Variants in TNNI3K observed in about 807,000 individuals in gnomAD.
TNNI3K encodes the protein TNNI3 interacting kinase.
In TNNI3K, 140 loss-of-function variants were observed where a neutral mutation model predicts 114.5. The observed-to-expected ratio is 1.22, with a 90% confidence interval of 1.07 to 1.41. The LOEUF (loss-of-function observed/expected upper bound fraction) is 1.41, where lower values mean the gene tolerates loss of function less well. Ranked by LOEUF, TNNI3K falls within the 40% of genes most tolerant of loss-of-function variation. The pLI is 0.00. For synonymous variants in TNNI3K, 347 were observed against 347.5 expected, an observed-to-expected ratio of 1.00 and a Z score of 0.02; for missense variants, 1,125 against 1,007.6, an observed-to-expected ratio of 1.12 and a Z score of -1.58.
At chr1:74,450,640 A>C (rs1666949068) in intron 20 of TNNI3K, among the ~76,000 whole-genome samples, 1 of 152,096 alleles carries the variant, frequency 6.6e-6, no homozygotes, top group African/African-American at 2.4e-5. Flanking sequence ...ACAAACATAC[A>C]AAAAAACGCC....
intron 2 of TNNI3K, among the ~76,000 whole-genome samples, chr1:74,238,120 AGAAT>A: frequency 6.6e-6 from 1 of 152,164 alleles, no homozygotes; most frequent in East Asian, 1.9e-4. Context: ...TGTGTAGGCA[AGAAT>A]GAATGAGTAC....
At chr1:74,480,635 T>C in intron 21 of TNNI3K, 1 of 717,272 alleles carries the variant, frequency 1.4e-6, no homozygotes, top group South Asian at 1.5e-5. Flanking sequence ...AGTAATCTGA[T>C]TCCCATCCAG....
At chr1:74,236,534 C>T (rs976621603) in intron 2 of TNNI3K, among the ~76,000 whole-genome samples, 1 of 151,744 alleles carries the variant, frequency 6.6e-6, no homozygotes, top group African/African-American at 2.4e-5. Flanking sequence ...TAAACCATGC[C>T]GGCAATGAAA....
At chr1:74,326,382 C>A (rs1659904941) in intron 5 of TNNI3K, among the ~76,000 whole-genome samples, 1 of 151,934 alleles carries the variant, frequency 6.6e-6, no homozygotes, top group Admixed American at 6.6e-5. Flanking sequence ...TAAATGGAAC[C>A]AAGTCAAATA....
chr1:74,362,699 C>T (rs895480544), intron 11 of TNNI3K, among the ~76,000 whole-genome samples: 1 of 152,024 alleles, frequency 6.6e-6, no homozygotes, highest in African/African-American at 2.4e-5. Flanking sequence ...TCATCTTAAA[C>T]AAAACCTAGG....
chr1:74,493,288 G>A (rs1447270385), intron 23 of TNNI3K, among the ~76,000 whole-genome samples: 1 of 152,144 alleles, frequency 6.6e-6, no homozygotes, highest in Non-Finnish European at 1.5e-5. Context: ...AATTAAAATG[G>A]TGGTTGTAAA....
rs45626531 is a variant in TNNI3K, at chr1:74,402,854, T to G, written c.1772+32462T>G. On this transcript the variant is annotated intron_variant, in intron 17 of 24. Transcript: ENST00000326637. ...CCTAACACAAATGTGTAAACTTTCT[T>G]AAAACATTATGAGTTTTTATTTTTT... Among the ~76,000 whole-genome samples, 652 of 152,344 alleles carry G rather than the reference T, an allele frequency of 4.3e-3. 6 individuals are homozygous for G. The highest frequency in any genetic ancestry group is 0.015 in the African/African-American group (620 of 41,584).
At chr1:74,266,582 C>T (rs1055665189) in intron 4 of TNNI3K, among the ~76,000 whole-genome samples, 1 of 151,958 alleles carries the variant, frequency 6.6e-6, no homozygotes, top group African/African-American at 2.4e-5. Context: ...TGTCCATAAT[C>T]AGAAGAAAGT....
chr1:74,291,599 T>C lies in TNNI3K; in HGVS notation c.444+19891T>C, dbSNP rs12098139. Among the ~76,000 whole-genome samples the C allele has an allele frequency of 1.3e-3, 193 of 151,666 alleles. 1 individual carries two copies. The highest frequency in any genetic ancestry group is 4.2e-3 in the African/African-American group (176 of 41,512). ...AGTAAGTGGTGTAGATTATATTCTA[T>C]CCTAAGTTGACTGACTTCATAGTCT... On this transcript the variant is annotated intron_variant, in intron 5 of 24. Transcript: ENST00000326637.
At chr1:74,471,192 A>G in intron 21 of TNNI3K, 1 of 400,540 alleles carries the variant, frequency 2.5e-6, no homozygotes, top group East Asian at 3.6e-5. Context: ...AGTTGTTAGC[A>G]CTGAGCAGGG....
At chr1:74,533,232 C>A (rs1417289827) in intron 23 of TNNI3K, among the ~76,000 whole-genome samples, 1 of 152,118 alleles carries the variant, frequency 6.6e-6, no homozygotes, top group Non-Finnish European at 1.5e-5. Context: ...ACAAACATCC[C>A]CATCAAAAAG....
intron 2 of TNNI3K, among the ~76,000 whole-genome samples, chr1:74,243,434 A>G (rs1449399962): frequency 1.3e-5 from 2 of 152,188 alleles, no homozygotes; most frequent in Non-Finnish European, 2.9e-5. Context: ...TAGACAACCC[A>G]TAAAAAATCC....
intron 5 of TNNI3K, among the ~76,000 whole-genome samples, chr1:74,275,263 A>G (rs1191097578): frequency 6.6e-6 from 1 of 152,062 alleles, no homozygotes; most frequent in African/African-American, 2.4e-5. Context: ...GAAGGCAAGG[A>G]GAAGCAAGTC....
chr1:74,324,290 C>T (rs1254729950), intron 5 of TNNI3K, among the ~76,000 whole-genome samples: 1 of 152,112 alleles, frequency 6.6e-6, no homozygotes, highest in Non-Finnish European at 1.5e-5. Flanking sequence ...TTAGGAGAGC[C>T]CTGACTTAGA....
intron 20 of TNNI3K, among the ~76,000 whole-genome samples, chr1:74,447,354 G>A (rs1301837448): frequency 6.7e-6 from 1 of 149,926 alleles, no homozygotes; most frequent in African/African-American, 2.5e-5. Context: ...TCTGTTGTTG[G>A]TGTATAAGAA....
At chr1:74,248,930 A>G (rs564353626) in intron 2 of TNNI3K, among the ~76,000 whole-genome samples, 5 of 152,042 alleles carry the variant, frequency 3.3e-5, no homozygotes, top group African/African-American at 1.2e-4. Flanking sequence ...CCCTTTTGTC[A>G]GTTGATTTCA....
chr1:74,285,328 C>G (rs1657262650), intron 5 of TNNI3K, among the ~76,000 whole-genome samples: 1 of 152,156 alleles, frequency 6.6e-6, no homozygotes, highest in Admixed American at 6.5e-5. Flanking sequence ...AGCCCTGGAT[C>G]TTTATGCTCT....
chr1:74,403,489 A>G (rs699838), intron 17 of TNNI3K, among the ~76,000 whole-genome samples: 140,650 of 152,210 alleles, frequency 0.92, 65,085 homozygotes, highest in African/African-American at 0.98. Context: ...ATTAGACATC[A>G]TTGAACATAA....
intron 17 of TNNI3K, chr1:74,418,094 TA>T: frequency 2.4e-6 from 1 of 410,458 alleles, no homozygotes; most frequent in Non-Finnish European, 4.8e-6. Flanking sequence ...GAAATACAAG[TA>T]AACATGTTAT....
Sources: allele counts gnomAD v4.1 joint callset (sites outside exome capture counted in the v4.1 genomes callset), GRCh38; gene constraint gnomAD v4.1.1; transcripts MANE v1.5; gene names NCBI Gene and HGNC (gene_info 2026-07-23, HGNC 2026-07-21).